SNAP47: variants seen among roughly 807,000 people sequenced by gnomAD.
SNAP47 encodes the protein synaptosome associated protein 47, also known as synaptosomal-associated protein 47.
In SNAP47, 20 loss-of-function variants were observed where a neutral mutation model predicts 31.4. The observed-to-expected ratio is 0.64, with a 90% CI of 0.45 to 0.93. The LOEUF (loss-of-function observed/expected upper bound fraction) is 0.93. Ranked by LOEUF, SNAP47 falls within the 40% of genes least tolerant of loss-of-function variation. The pLI, the probability that SNAP47 is intolerant of heterozygous loss-of-function variation, is 0.00. For missense variants in SNAP47, 492 were observed against 528.5 expected (o/e 0.93, Z 0.68); for synonymous variants, 194 against 213.4 (o/e 0.91, Z 0.79).
At chr1:227,776,633 T>C (rs914821175) in intron 4 of SNAP47, 1 of 985,486 alleles carries the variant, frequency 1.0e-6, no homozygotes, top group Non-Finnish European at 1.2e-6. Context: ...ATCCCTGTTA[T>C]GTGGAATGCA....
At chr1:227,769,241 G>A (rs1322897043) in intron 4 of SNAP47, among the ~76,000 whole-genome samples, 1 of 152,132 alleles carries the variant, frequency 6.6e-6, no homozygotes, top group Admixed American at 6.5e-5. Flanking sequence ...TCACATTCAC[G>A]ACTGTGGCAT....
At chr1:227,733,273 C>A, upstream of SNAP47, 1 of 965,750 alleles carries the variant, frequency 1.0e-6, no homozygotes, top group East Asian at 2.6e-5. Flanking sequence ...TAGGCCTCAG[C>A]GACACCACCT....
At chr1:227,729,873 G>A (rs1454525989) in intron 1 of SNAP47, among the ~76,000 whole-genome samples, 1 of 152,172 alleles carries the variant, frequency 6.6e-6, no homozygotes, top group Non-Finnish European at 1.5e-5. Flanking sequence ...TCCCAGGCTA[G>A]AGTCTGTGCA....
intron 3 of SNAP47, among the ~76,000 whole-genome samples, chr1:227,759,978 T>G (rs1156634059): frequency 6.6e-6 from 1 of 152,210 alleles, no homozygotes; most frequent in Non-Finnish European, 1.5e-5. Context: ...TCTCTTTGCC[T>G]GTGTCCGCTT....
intron 4 of SNAP47, among the ~76,000 whole-genome samples, chr1:227,778,188 AT>A (rs901228979): frequency 6.6e-6 from 1 of 152,216 alleles, no homozygotes; most frequent in African/African-American, 2.4e-5. Context: ...TTATGGGCAG[AT>A]TTTGTTTTAT....
intron 4 of SNAP47, among the ~76,000 whole-genome samples, chr1:227,772,469 G>A (rs140216997): frequency 6.6e-6 from 1 of 151,922 alleles, no homozygotes; most frequent in Non-Finnish European, 1.5e-5. Context: ...GGTTTTCAGG[G>A]CCCATGCACT....
At chr1:227,746,170 TC>T (rs1321111541) in intron 1 of SNAP47, 1 of 152,220 alleles carries the variant, frequency 6.6e-6, no homozygotes, top group Non-Finnish European at 1.5e-5. Flanking sequence ...ATGGGGCCCT[TC>T]CCCTCTCATG....
rs1331863499 is a variant in SNAP47, at chr1:227,763,857, G to C, written c.989-3102G>C. Among the ~76,000 whole-genome samples the C allele has an allele frequency of 2.0e-5, 3 of 152,184 alleles. No individual in the cohort carries two copies. The highest frequency in any genetic ancestry group is 2.9e-5 in the Non-Finnish European group (2 of 68,028). On this transcript the variant is annotated intron_variant, in intron 3 of 4. Coordinates refer to ENST00000617596, the MANE Select transcript of SNAP47 (RefSeq NM_053052.4). The surrounding 1 kb of genome is among the most constrained non-coding windows in gnomAD (Gnocchi z 4.2). ...GGGGCTTGCTGGAGACAGACAGGCTGGTGGCCCAGGTCCCCGCTCCCAGGC... is the reference window on the plus strand; with the variant it reads ...GGGGCTTGCTGGAGACAGACAGGCTCGTGGCCCAGGTCCCCGCTCCCAGGC...
intron 4 of SNAP47, among the ~76,000 whole-genome samples, chr1:227,768,916 C>T (rs1199097221): frequency 4.6e-5 from 7 of 152,358 alleles, no homozygotes; most frequent in Middle Eastern, 3.4e-3. Flanking sequence ...CTGTATCCCA[C>T]GGTTGTGTTT....
chr1:227,754,574 C>T (rs887022232), intron 2 of SNAP47, among the ~76,000 whole-genome samples: 5 of 152,170 alleles, frequency 3.3e-5, no homozygotes, highest in African/African-American at 1.2e-4. Flanking sequence ...ACGGTTCCTC[C>T]TTGATTTTTT....
At position 227,768,218 on chromosome 1, in the gene SNAP47, G is replaced by A. The variant is rs960840286; in HGVS notation, c.1113+1135G>A. On this transcript the variant is annotated intron_variant, in intron 4 of 4. Transcript: ENST00000617596. ...GTATGTGGCGCACATGCAGTCTCCA[G>A]GTGCAGCTTCCGTCTCGTCTTCCCC... The A allele has an allele frequency of 5.3e-6, 5 of 942,396 alleles. No homozygotes were observed. The African/African-American group carries it at 7.1e-5, about 13-fold the overall frequency. The allele number at this position is 942,396 out of a possible 1,614,324, so 58.4% of individuals were successfully genotyped here.
rs202095982 is a variant in SNAP47 at position 227,747,742 on chromosome 1, C to T, written c.6C>T (p.Ser2=). The T allele has an allele frequency of 6.2e-6, 10 of 1,613,574 alleles. No homozygotes were observed. The highest frequency in any genetic ancestry group is 3.3e-5 in the Admixed American group (2 of 59,998). The change falls in exon 2 of 5, where the codon AGC becomes AGT. Residue 2 remains serine, a synonymous_variant. Transcript: ENST00000617596. M[S]RDVCIHTWPC... ...GCACACAGACCCAGGAACAGATGAG[C>T]AGGGATGTCTGCATCCACACCTGGC...
intron 3 of SNAP47, among the ~76,000 whole-genome samples, chr1:227,760,434 G>T (rs1176267573): frequency 6.6e-6 from 1 of 152,196 alleles, no homozygotes; most frequent in Non-Finnish European, 1.5e-5. Context: ...GGCATTCTCA[G>T]ATGTGTGTGG....
At chr1:227,733,266 G>A (rs1261827848), upstream of SNAP47, 5 of 925,380 alleles carry the variant, frequency 5.4e-6, no homozygotes, top group Non-Finnish European at 6.3e-6. Context: ...CAGAGGCTAG[G>A]CCTCAGCGAC....
chr1:227,760,012 A>G (rs1662962776), intron 3 of SNAP47, among the ~76,000 whole-genome samples: 1 of 152,200 alleles, frequency 6.6e-6, no homozygotes, highest in Admixed American at 6.5e-5. Context: ...CTCTGCCACA[A>G]CACGAGAGCC....
chr1:227,770,274 G>T (rs1384909326), intron 4 of SNAP47, among the ~76,000 whole-genome samples: 1 of 152,246 alleles, frequency 6.6e-6, no homozygotes, highest in Non-Finnish European at 1.5e-5. Context: ...AGGGAGCCGA[G>T]CCTGGTGCTG....
At chr1:227,749,689 CCTT>C (rs1327074029) in intron 2 of SNAP47, among the ~76,000 whole-genome samples, 1 of 152,060 alleles carries the variant, frequency 6.6e-6, no homozygotes, top group Non-Finnish European at 1.5e-5. Flanking sequence ...AGTTTGCCGT[CCTT>C]CTCTATTGCT....
chr1:227,758,604 G>A (rs1170416956), intron 2 of SNAP47, among the ~76,000 whole-genome samples: 2 of 152,206 alleles, frequency 1.3e-5, no homozygotes, highest in East Asian at 1.9e-4. Context: ...TATGGACAGC[G>A]CAGACGTAGA....
chr1:227,764,746 T>TA (rs886142326), intron 3 of SNAP47, among the ~76,000 whole-genome samples: 2 of 151,488 alleles, frequency 1.3e-5, no homozygotes, highest in African/African-American at 2.4e-5. Flanking sequence ...TTACTAAAAA[T>TA]AAAAAAAATT....
Sources: allele counts gnomAD v4.1 joint callset (sites outside exome capture counted in the v4.1 genomes callset), GRCh38; gene constraint gnomAD v4.1.1; non-coding constraint Gnocchi (gnomAD v3.1); transcripts MANE v1.5; gene names NCBI Gene and HGNC (gene_info 2026-07-23, HGNC 2026-07-21).